Variants in SPTB observed in about 807,000 individuals in gnomAD.
SPTB encodes spectrin beta, erythrocytic, also known as spectrin beta chain, erythrocytic.
In SPTB, 45 loss-of-function variants were observed where a neutral mutation model predicts 256.2. The observed-to-expected ratio is 0.18, with a 90% CI of 0.14 to 0.23. The LOEUF (loss-of-function observed/expected upper bound fraction) is 0.23, where lower values mean the gene tolerates loss of function less well. Ranked by LOEUF, SPTB falls within the 10% of genes least tolerant of loss-of-function variation. SPTB has a pLI of 1.00. For missense variants in SPTB, 2,715 were observed against 3,040.4 expected (o/e 0.89, Z 2.52); for synonymous variants, 1,231 against 1,243.1 (o/e 0.99, Z 0.21).
intron 26 of SPTB, among the ~76,000 whole-genome samples, chr14:64,771,526 G>A (rs986486112): frequency 1.3e-5 from 2 of 152,168 alleles, no homozygotes; most frequent in African/African-American, 2.4e-5. Context: ...CGAGGCACAA[G>A]GAAGCTAAGT....
chr14:64,858,561 A>G lies in SPTB; in HGVS notation c.-52+21231T>C, dbSNP rs1312441828. Among the ~76,000 whole-genome samples the G allele has an allele frequency of 3.9e-5, 6 of 152,174 alleles. No homozygotes were observed. In the East Asian group the frequency reaches 1.2e-3, roughly 29 times the overall value. ...GAGGAGAGAGACAGCGGAAGCTGCA[A>G]CTGGACACCAAGTGAGTAGGAGAAA... On this transcript the variant is annotated intron_variant, in intron 1 of 35. Transcript: ENST00000644917.
chr14:64,793,267 A>G lies in SPTB; in HGVS notation c.2396T>C (p.Met799Thr). Residue 799 changes from methionine (M) to threonine (T), a missense_variant, in exon 14 of 36, where the codon ATG becomes ACG. Coordinates refer to ENST00000644917, the MANE Select transcript of SPTB (RefSeq NM_001355436.2). The surrounding 1 kb of genome is among the most constrained non-coding windows in gnomAD (Gnocchi z 7.0). ...LEELEESRGV[M>T]EHLEQQAQGF... Reference sequence around the variant, plus strand: ...CTGGGCCTGCTGCTCCAGGTGCTCCATCACCCCACGGCTCTCCTCCAGCTC... The same window carrying G: ...CTGGGCCTGCTGCTCCAGGTGCTCCGTCACCCCACGGCTCTCCTCCAGCTC... 1 of 1,607,100 alleles carries G rather than the reference A, an allele frequency of 6.2e-7. No individual in the cohort carries two copies.
At position 64,775,561 on chromosome 14, in the gene SPTB, G is replaced by C. The variant is rs2012515; in HGVS notation, c.4564-158C>G. Among the ~76,000 whole-genome samples, 100,480 of 152,178 alleles carry C rather than the reference G, an allele frequency of 0.66. 34,204 individuals are homozygous for C. The highest frequency in any genetic ancestry group is 0.91 in the East Asian group (4,685 of 5,176). On this transcript the variant is annotated intron_variant, in intron 22 of 35. Coordinates refer to ENST00000644917, the MANE Select transcript of SPTB (RefSeq NM_001355436.2). The surrounding 1 kb of genome is among the most constrained non-coding windows in gnomAD (Gnocchi z 5.0). ...ATAAGAACTACCAATGACCTCTTGC[G>C]GGCTGCTAAGCACCTCATGTGCACC...
At chr14:64,813,976 G>C (rs2083140196) in intron 2 of SPTB, among the ~76,000 whole-genome samples, 1 of 152,240 alleles carries the variant, frequency 6.6e-6, no homozygotes, top group African/African-American at 2.4e-5. Flanking sequence ...TAACCAGTTA[G>C]GGAAGGAATT....
intron 1 of SPTB, among the ~76,000 whole-genome samples, chr14:64,879,475 C>G (rs1594869135): frequency 6.6e-6 from 1 of 152,220 alleles, no homozygotes; most frequent in Non-Finnish European, 1.5e-5. Context: ...GAACACGCAC[C>G]CCCGTCACCC....
At chr14:64,765,315 G>A (rs1330773428) in intron 32 of SPTB, among the ~76,000 whole-genome samples, 3 of 152,064 alleles carry the variant, frequency 2.0e-5, no homozygotes, top group Non-Finnish European at 2.9e-5. Context: ...ACATGCAGGG[G>A]GAAGCCGTGC....
rs2081889609 is a variant in SPTB, at chr14:64,748,747, G to A, written c.*559C>T. 6.5e-6 allele frequency: 1 copy of A among 154,592 alleles called. No individual in the cohort carries two copies. Among genetic ancestry groups the A allele is most frequent in the Admixed American group, 6.5e-5 (1 of 15,340 alleles). 9.6% of individuals were successfully genotyped at this position (154,592 alleles called of 1,614,324 possible). A position where few individuals can be genotyped will look rare whatever the true frequency, so the allele number is the denominator to read the frequency against. On this transcript the variant is annotated 3_prime_UTR_variant, in exon 36 of 36. Coordinates refer to ENST00000644917, the MANE Select transcript of SPTB (RefSeq NM_001355436.2). ...GTCCCCTCAGCCCCCCAGAGCCCCTGGCCCAGAGCTAGGGCTTTGTGGGCC... is the reference window on the plus strand; with the variant it reads ...GTCCCCTCAGCCCCCCAGAGCCCCTAGCCCAGAGCTAGGGCTTTGTGGGCC...
At chr14:64,797,459 C>T (rs2082792565) in intron 10 of SPTB, among the ~76,000 whole-genome samples, 1 of 98,248 alleles carries the variant, frequency 1.0e-5, no homozygotes. Flanking sequence ...AGAGTGAGAC[C>T]CTGTCTCCAA....
chr14:64,807,945 G>C lies in SPTB; in HGVS notation c.149-2855C>G, dbSNP rs575825909. Reference sequence around the variant, plus strand: ...GCCCTAACCCTGCCAGTGCAGGAAGGGGGTGAGTCCACCAGCATGGACTGG... The same window carrying C: ...GCCCTAACCCTGCCAGTGCAGGAAGCGGGTGAGTCCACCAGCATGGACTGG... On this transcript the variant is annotated intron_variant, in intron 2 of 35. Transcript: ENST00000644917. The surrounding 1 kb of genome is among the most constrained non-coding windows in gnomAD (Gnocchi z 4.7). Among the ~76,000 whole-genome samples the C allele has an allele frequency of 1.3e-5, 2 of 152,244 alleles. No individual in the cohort carries two copies. Among genetic ancestry groups the C allele is most frequent in the Non-Finnish European group, 2.9e-5 (2 of 68,040 alleles).
chr14:64,811,904 G>T (rs554154760), intron 2 of SPTB, among the ~76,000 whole-genome samples: 1 of 152,282 alleles, frequency 6.6e-6, no homozygotes, highest in South Asian at 2.1e-4. Flanking sequence ...CAACCTCTAC[G>T]AAAGGCAATT....
rs1197880527 is a variant in SPTB, at chr14:64,749,757, G to A, written c.6777-61C>T. On this transcript the variant is annotated intron_variant, in intron 34 of 35. Coordinates refer to ENST00000644917, the MANE Select transcript of SPTB (RefSeq NM_001355436.2). This position sits in a 1 kb window ranked among gnomAD's most constrained non-coding sequence, Gnocchi z 4.7. ...CTCTGGAGGGGGCGCTGGGCAGAGG[G>A]CTGGCTCTGATCCCACAATACCCTG... 1.3e-6 allele frequency: 2 copies of A among 1,587,904 alleles called. No individual in the cohort carries two copies. Among genetic ancestry groups the A allele is most frequent in the African/African-American group, 2.7e-5 (2 of 74,160 alleles).
At chr14:64,801,224 A>G (rs2082879599) in intron 7 of SPTB, 61 bp downstream of exon 7, 1 of 1,446,470 alleles carries the variant, frequency 6.9e-7, no homozygotes, top group Non-Finnish European at 9.6e-7. Flanking sequence ...GAGCTCCTCT[A>G]GCACAGCGAG....
In SPTB at chr14:64,826,688, C is replaced by T. The variant is rs527485300; in HGVS notation, c.-51-3543G>A. ...CCCCAAAATTCCTTCTCTGAACCCA[C>T]CTGACCCTCGTCAAAGTGTAGGTGG... On this transcript the variant is annotated intron_variant, in intron 1 of 35. Transcript: ENST00000644917. This position sits in a 1 kb window ranked among gnomAD's most constrained non-coding sequence, Gnocchi z 4.4. Among the ~76,000 whole-genome samples the T allele has an allele frequency of 1.3e-5, 2 of 152,310 alleles. No homozygotes were observed. The highest frequency in any genetic ancestry group is 2.4e-5 in the African/African-American group (1 of 41,568).
At chr14:64,780,240 A>C (rs1451196142) in intron 20 of SPTB, among the ~76,000 whole-genome samples, 1 of 152,198 alleles carries the variant, frequency 6.6e-6, no homozygotes, top group African/African-American at 2.4e-5. Flanking sequence ...TTAAAGTTTC[A>C]GACTGTGCTC....
Position 64,768,113 on chromosome 14 carries a change from C to G in SPTB, c.6023-254G>C, listed in dbSNP as rs899635198. 3.6e-5 allele frequency: 20 copies of G among 547,966 alleles called. 1 individual carries two copies. In the South Asian group the frequency reaches 3.9e-4, roughly 11 times the overall value. The allele number at this position is 547,966 out of a possible 1,614,324, so 33.9% of individuals were successfully genotyped here. ...CTGGAGTGCAGTGATGTGATTATGGCTCATGGCAGCCTCAGCCTCCTGGGT... is the reference window on the plus strand; with the variant it reads ...CTGGAGTGCAGTGATGTGATTATGGGTCATGGCAGCCTCAGCCTCCTGGGT... On this transcript the variant is annotated intron_variant, in intron 29 of 35. Coordinates refer to ENST00000644917, the MANE Select transcript of SPTB (RefSeq NM_001355436.2).
intron 1 of SPTB, among the ~76,000 whole-genome samples, chr14:64,851,233 C>G (rs527503766): frequency 5.3e-5 from 8 of 152,200 alleles, no homozygotes; most frequent in Non-Finnish European, 1.0e-4. Flanking sequence ...GGGCTATGAG[C>G]AGATTTCCTG....
chr14:64,774,610 G>A (rs2082330051), intron 23 of SPTB, 83 bp from the exon 24 acceptor site: 22 of 1,543,122 alleles, frequency 1.4e-5, no homozygotes, highest in Non-Finnish European at 1.9e-5. Context: ...ACTCCTGGAG[G>A]TGCCCGAGGG....
At position 64,749,489 on chromosome 14, in the gene SPTB, TCACGGTGGAGTCTGGAGGCC is replaced by T. The variant is rs1479771960; in HGVS notation, c.6820-36_6820-17del. The T allele has an allele frequency of 3.1e-6, 5 of 1,598,372 alleles. No individual in the cohort carries two copies. Among genetic ancestry groups the T allele is most frequent in the Admixed American group, 1.7e-5 (1 of 59,820 alleles). On this transcript the variant is annotated splice_polypyrimidine_tract_variant and intron_variant, in intron 35 of 35. Coordinates refer to ENST00000644917, the MANE Select transcript of SPTB (RefSeq NM_001355436.2). This position sits in a 1 kb window ranked among gnomAD's most constrained non-coding sequence, Gnocchi z 4.7. ...GCATCTCCTCCTGCGGGGCGGAGGG[TCACGGTGGAGTCTGGAGGCC>T]CACAGCCCCCCACCTCCCGGGCCAG...
At chr14:64,854,010 G>T (rs1323820716) in intron 1 of SPTB, among the ~76,000 whole-genome samples, 1 of 152,016 alleles carries the variant, frequency 6.6e-6, no homozygotes, top group Non-Finnish European at 1.5e-5. Flanking sequence ...TGGCCAAAAT[G>T]GCAAAACCCC....
Sources: allele counts gnomAD v4.1 joint callset (sites outside exome capture counted in the v4.1 genomes callset), GRCh38; gene constraint gnomAD v4.1.1; non-coding constraint Gnocchi (gnomAD v3.1); transcripts MANE v1.5; gene names NCBI Gene and HGNC (gene_info 2026-07-23, HGNC 2026-07-21).